RANBP3: variants seen among roughly 807,000 people sequenced by gnomAD.
RANBP3 encodes RAN binding protein 3.
A neutral mutation model predicts 77.3 loss-of-function variants in RANBP3; 14 were observed. The observed-to-expected ratio is 0.18, with a 90% CI of 0.12 to 0.28. The LOEUF (loss-of-function observed/expected upper bound fraction) is 0.28, where lower values mean the gene tolerates loss of function less well. RANBP3 is among the 10% of genes least tolerant of loss of function. RANBP3 has a pLI of 1.00. For missense variants in RANBP3, 586 were observed against 752.3 expected, an observed-to-expected ratio of 0.78 and a Z score of 2.59; for synonymous variants, 315 against 312.4, an observed-to-expected ratio of 1.01 and a Z score of -0.09.
At chr19:5,953,232 A>C (rs909978229) in intron 2 of RANBP3, among the ~76,000 whole-genome samples, 1 of 152,244 alleles carries the variant, frequency 6.6e-6, no homozygotes, top group African/African-American at 2.4e-5. Context: ...ATGTCATTCC[A>C]GCATTTTCTA....
chr19:5,922,675 C>T (rs1201753191), intron 13 of RANBP3, among the ~76,000 whole-genome samples: 1 of 152,252 alleles, frequency 6.6e-6, no homozygotes, highest in African/African-American at 2.4e-5. Context: ...CGTGGTGGCT[C>T]ACGCCTGTCA....
intron 1 of RANBP3, among the ~76,000 whole-genome samples, chr19:5,966,422 C>T (rs1281539437): frequency 6.6e-6 from 1 of 152,244 alleles, no homozygotes; most frequent in Non-Finnish European, 1.5e-5. Flanking sequence ...TCAATGGTGA[C>T]ACAAGCTGCT....
At chr19:5,967,396 T>C (rs1325895573) in intron 1 of RANBP3, among the ~76,000 whole-genome samples, 1 of 152,154 alleles carries the variant, frequency 6.6e-6, no homozygotes, top group Non-Finnish European at 1.5e-5. Flanking sequence ...ACCACTCTCA[T>C]CTCACCACCA....
At chr19:5,953,506 T>C (rs1474842214) in intron 2 of RANBP3, among the ~76,000 whole-genome samples, 4 of 152,208 alleles carry the variant, frequency 2.6e-5, no homozygotes, top group Admixed American at 6.5e-5. Context: ...AGCATTTCTG[T>C]AACTGCCTTC....
chr19:5,923,558 A>G (rs2057856583), intron 12 of RANBP3, among the ~76,000 whole-genome samples: 2 of 152,110 alleles, frequency 1.3e-5, no homozygotes, highest in East Asian at 3.9e-4. Flanking sequence ...ACGGGGGGAC[A>G]GTGAGGGACT....
At chr19:5,973,024 T>C (rs1427399521) in intron 1 of RANBP3, among the ~76,000 whole-genome samples, 15 of 151,968 alleles carry the variant, frequency 9.9e-5, no homozygotes, top group Admixed American at 9.2e-4. Context: ...CTTCAAAGAG[T>C]ATAAAGATTT....
chr19:5,960,673 A>G (rs1017965350), intron 1 of RANBP3, among the ~76,000 whole-genome samples: 1 of 152,208 alleles, frequency 6.6e-6, no homozygotes, highest in Admixed American at 6.5e-5. Context: ...GCTAGAAGAG[A>G]GAGAACCATT....
chr19:5,960,382 T>G (rs1388189716), intron 1 of RANBP3, among the ~76,000 whole-genome samples: 3 of 152,186 alleles, frequency 2.0e-5, no homozygotes, highest in Non-Finnish European at 4.4e-5. Flanking sequence ...GGAAGAGACC[T>G]TGGACAGGCC....
Position 5,959,358 on chromosome 19 carries a change from C to A in RANBP3, c.23-1385G>T, listed in dbSNP as rs1310569153. ...CAGCACCAAGATGACCAAACAGACA[C>A]CATCCCACTCCTGCAGACGCAGGAC... On this transcript the variant is annotated intron_variant, in intron 1 of 16. Coordinates refer to ENST00000340578, the MANE Select transcript of RANBP3 (RefSeq NM_007322.3). This position sits in a 1 kb window ranked among gnomAD's most constrained non-coding sequence, Gnocchi z 5.1. Among the ~76,000 whole-genome samples the A allele has an allele frequency of 6.6e-6, 1 of 152,062 alleles. No individual in the cohort carries two copies. The highest frequency in any genetic ancestry group is 1.5e-5 in the Non-Finnish European group (1 of 67,986).
intron 5 of RANBP3, among the ~76,000 whole-genome samples, chr19:5,937,529 AATGGACTC>A (rs1568459260): frequency 6.6e-6 from 1 of 152,088 alleles, no homozygotes; most frequent in Non-Finnish European, 1.5e-5. Context: ...CCTTTTTTCT[AATGGACTC>A]ATGGAGCTGA....
In RANBP3 at chr19:5,921,104, G is replaced by A; in HGVS notation, c.1330+97C>T. The A allele has an allele frequency of 1.4e-6, 2 of 1,431,574 alleles. No homozygotes were observed. Among genetic ancestry groups the A allele is most frequent in the South Asian group, 2.7e-5 (2 of 74,952 alleles). The allele number at this position is 1,431,574 out of a possible 1,614,324, so 88.7% of individuals were successfully genotyped here. The stretch of plus-strand genomic sequence containing the variant: ...CTGTGCCTTGACTCTCACAAGGGTA[G>A]GGTCAGGATCTCCCCCGCTTCATTC... On this transcript the variant is annotated intron_variant, in intron 14 of 16. Transcript: ENST00000340578. The surrounding 1 kb of genome is among the most constrained non-coding windows in gnomAD (Gnocchi z 5.3).
intron 1 of RANBP3, among the ~76,000 whole-genome samples, chr19:5,974,129 G>A (rs1341130235): frequency 6.6e-6 from 1 of 152,138 alleles, no homozygotes; most frequent in African/African-American, 2.4e-5. Flanking sequence ...CTAGTGAGTA[G>A]GTCCAAGGAT....
chr19:5,953,226 C>A (rs1386077087), intron 2 of RANBP3, among the ~76,000 whole-genome samples: 3 of 152,200 alleles, frequency 2.0e-5, no homozygotes, highest in Non-Finnish European at 4.4e-5. Context: ...TTAACAATGT[C>A]ATTCCAGCAT....
chr19:5,949,629 C>A (rs564296375), intron 3 of RANBP3, among the ~76,000 whole-genome samples: 1 of 152,250 alleles, frequency 6.6e-6, no homozygotes, highest in African/African-American at 2.4e-5. Context: ...ACGGTGCCCA[C>A]AAGCTCATCC....
At chr19:5,920,290 T>G (rs2057801231) in intron 14 of RANBP3, among the ~76,000 whole-genome samples, 1 of 152,122 alleles carries the variant, frequency 6.6e-6, no homozygotes, top group South Asian at 2.1e-4. Context: ...TCCCAGCTAC[T>G]CAGGAGGCTG....
chr19:5,939,850 C>T lies in RANBP3; in HGVS notation c.406+1771G>A, dbSNP rs573865722. On this transcript the variant is annotated intron_variant, in intron 5 of 16. Coordinates refer to ENST00000340578, the MANE Select transcript of RANBP3 (RefSeq NM_007322.3). ...CAACTCTGGTCAACTGGGGGCACCC[C>T]CTTGTCCCTGCACCTCTGCAGGGGC... Among the ~76,000 whole-genome samples, 15 of 152,360 alleles carry T rather than the reference C, an allele frequency of 9.8e-5. No individual in the cohort carries two copies. The South Asian group carries it at 2.9e-3, about 29-fold the overall frequency.
chr19:5,942,607 A>G (rs2058152128), intron 3 of RANBP3, among the ~76,000 whole-genome samples: 1 of 151,628 alleles, frequency 6.6e-6, no homozygotes, highest in Non-Finnish European at 1.5e-5. Context: ...AGGCTGAGGC[A>G]CAAGAATCGC....
chr19:5,944,028 C>T (rs2058172184), intron 3 of RANBP3, among the ~76,000 whole-genome samples: 1 of 152,204 alleles, frequency 6.6e-6, no homozygotes, highest in Non-Finnish European at 1.5e-5. Flanking sequence ...CCTTACCTTG[C>T]CCAGCCTTCG....
At chr19:5,977,983 C>T (rs2058617923) in intron 1 of RANBP3, 78 bp downstream of exon 1, 2 of 1,582,812 alleles carry the variant, frequency 1.3e-6, no homozygotes, top group Non-Finnish European at 1.7e-6. Context: ...CGGTGCTCCC[C>T]CCAAGGGCTT....
Sources: allele counts gnomAD v4.1 joint callset (sites outside exome capture counted in the v4.1 genomes callset), GRCh38; gene constraint gnomAD v4.1.1; non-coding constraint Gnocchi (gnomAD v3.1); transcripts MANE v1.5; gene names NCBI Gene and HGNC (gene_info 2026-07-23, HGNC 2026-07-21).